The following CRACDL variants were observed in gnomAD, a reference collection of about 807,000 sequenced individuals.
CRACDL encodes CRACD-like protein.
A neutral mutation model predicts 70.6 loss-of-function variants in CRACDL; 26 were observed. That is an observed-to-expected ratio of 0.37 (90% CI 0.27 to 0.51). The LOEUF (loss-of-function observed/expected upper bound fraction) is 0.51, where lower values mean the gene tolerates loss of function less well. Among genes scored for constraint, CRACDL ranks in the 20% least tolerant of loss-of-function variants. The pLI is 0.94. For synonymous variants in CRACDL, 618 were observed against 615.2 expected, an observed-to-expected ratio of 1.00 and a Z score of -0.07; for missense variants, 1,283 against 1,376.9, an observed-to-expected ratio of 0.93 and a Z score of 1.08.
At chr2:98,911,546 AG>A (rs1238173225) in intron 1 of CRACDL, among the ~76,000 whole-genome samples, 3 of 152,208 alleles carry the variant, frequency 2.0e-5, no homozygotes, top group Admixed American at 1.3e-4. Flanking sequence ...CAAAGATCAA[AG>A]AGAAGGACCA....
chr2:98,914,488 C>T (rs757797156), intron 1 of CRACDL, among the ~76,000 whole-genome samples: 4 of 152,240 alleles, frequency 2.6e-5, no homozygotes, highest in African/African-American at 7.2e-5. Flanking sequence ...GTCCTGTCCC[C>T]GCTGAGGTGG....
intron 1 of CRACDL, among the ~76,000 whole-genome samples, chr2:98,854,079 C>A (rs1000141994): frequency 6.6e-6 from 1 of 151,718 alleles, no homozygotes; most frequent in Non-Finnish European, 1.5e-5. Flanking sequence ...GTCAGGAGTT[C>A]GAGACCAGTC....
chr2:98,805,564 T>TCCACCCTCCAGAGCCTCCC (rs1457464211), intron 7 of CRACDL, among the ~76,000 whole-genome samples: 2 of 152,138 alleles, frequency 1.3e-5, no homozygotes, highest in Admixed American at 1.3e-4. Context: ...TCCCTCCTCC[T>TCCACCCTCCAGAGCCTCCC]CCACCCTCCA....
At chr2:98,813,881 C>CT (rs1412241720) in intron 7 of CRACDL, among the ~76,000 whole-genome samples, 1 of 152,194 alleles carries the variant, frequency 6.6e-6, no homozygotes, top group African/African-American at 2.4e-5. Flanking sequence ...GATTTGATCA[C>CT]TTTAACAGAT....
At chr2:98,844,251 G>A (rs1706154432) in intron 2 of CRACDL, among the ~76,000 whole-genome samples, 1 of 152,108 alleles carries the variant, frequency 6.6e-6, no homozygotes, top group Non-Finnish European at 1.5e-5. Flanking sequence ...CCACCTCTCT[G>A]CCTTTTATTC....
intron 7 of CRACDL, among the ~76,000 whole-genome samples, chr2:98,801,343 G>A (rs563554579): frequency 3.3e-4 from 51 of 152,340 alleles, no homozygotes; most frequent in African/African-American, 1.2e-3. Flanking sequence ...AGATGCCTGA[G>A]ATTCCACCTG....
At chr2:98,853,676 TA>T (rs1178612651) in intron 1 of CRACDL, among the ~76,000 whole-genome samples, 2 of 152,086 alleles carry the variant, frequency 1.3e-5, no homozygotes, top group African/African-American at 2.4e-5. Flanking sequence ...ATATAACAAC[TA>T]AAAAAACTAT....
intron 5 of CRACDL, among the ~76,000 whole-genome samples, chr2:98,828,273 ACT>A (rs963677526): frequency 2.6e-5 from 4 of 152,122 alleles, no homozygotes; most frequent in Admixed American, 6.5e-5. Context: ...GCACAGGGAG[ACT>A]CTAGGAGGTG....
chr2:98,872,040 G>A (rs1293846756), intron 1 of CRACDL, among the ~76,000 whole-genome samples: 2 of 152,182 alleles, frequency 1.3e-5, no homozygotes, highest in East Asian at 1.9e-4. Context: ...GGAGCTGGGG[G>A]CATTATCCTA....
At chr2:98,832,537 C>T (rs751564865) in intron 4 of CRACDL, 25 bp from the exon 5 acceptor site, 1 of 1,536,974 alleles carries the variant, frequency 6.5e-7, no homozygotes, top group Non-Finnish European at 8.8e-7. Flanking sequence ...AGAACATGTG[C>T]TCTTATTTTC....
chr2:98,879,680 C>A lies in CRACDL; in HGVS notation c.-10-32870G>T, dbSNP rs571923701. Reference sequence around the variant, plus strand: ...TCTCCTGCCTCAGCCTCCCGAGTAGCTGTCCCAGGTGCACACTGCCGTGCC... The same window carrying A: ...TCTCCTGCCTCAGCCTCCCGAGTAGATGTCCCAGGTGCACACTGCCGTGCC... On this transcript the variant is annotated intron_variant, in intron 1 of 9. Transcript: ENST00000397899. 2.4e-4 allele frequency among the ~76,000 whole-genome samples: 36 copies of A among 152,316 alleles called. No individual in the cohort carries two copies. The South Asian group carries it at 7.5e-3, about 32-fold the overall frequency.
intron 1 of CRACDL, among the ~76,000 whole-genome samples, chr2:98,877,287 T>C (rs1180223763): frequency 6.6e-6 from 1 of 152,138 alleles, no homozygotes; most frequent in African/African-American, 2.4e-5. Flanking sequence ...ATCCAAGTGG[T>C]TTGGGCTCCG....
chr2:98,822,547 C>G lies in CRACDL; in HGVS notation c.1726G>C (p.Val576Leu). The G allele has an allele frequency of 6.8e-7, 1 of 1,468,746 alleles. No individual in the cohort carries two copies. Among genetic ancestry groups the G allele is most frequent in the South Asian group, 1.3e-5 (1 of 77,456 alleles). The allele number at this position is 1,468,746 out of a possible 1,614,324, so 91.0% of individuals were successfully genotyped here. The part of the protein sequence containing the change: ...AELRGAKKFS[V>L]SSCRARPRPG... ...CGAGGCCGCGCTCGGCACGAGGACA[C>G]CGAGAACTTCTTCGCGCCTCGCAGC... is the stretch of plus-strand genomic sequence containing the variant. Residue 576 changes from valine to leucine, a missense_variant, in exon 7 of 10, where the codon GTG (valine) becomes CTG (leucine). Val to Leu is a conservative substitution (Grantham distance 32, BLOSUM62 1). Transcript: ENST00000397899. The surrounding 1 kb of genome is among the most constrained non-coding windows in gnomAD (Gnocchi z 4.9).
At chr2:98,801,196 CCT>C (rs1704060960) in intron 7 of CRACDL, among the ~76,000 whole-genome samples, 2 of 152,182 alleles carry the variant, frequency 1.3e-5, no homozygotes, top group Non-Finnish European at 2.9e-5. Flanking sequence ...GCAAGAGGGC[CCT>C]TGTAATCTCT....
At chr2:98,799,137 G>A (rs1703964226) in intron 7 of CRACDL, among the ~76,000 whole-genome samples, 1 of 152,152 alleles carries the variant, frequency 6.6e-6, no homozygotes, top group African/African-American at 2.4e-5. Flanking sequence ...TACACAGTGT[G>A]CTTGAGTCAG....
chr2:98,916,044 C>G (rs1292673642), intron 1 of CRACDL, among the ~76,000 whole-genome samples: 1 of 152,222 alleles, frequency 6.6e-6, no homozygotes, highest in East Asian at 1.9e-4. Context: ...GGCACAGATC[C>G]AAACTCCCAG....
At chr2:98,913,497 G>A (rs1358519069) in intron 1 of CRACDL, among the ~76,000 whole-genome samples, 1 of 152,158 alleles carries the variant, frequency 6.6e-6, no homozygotes, top group Non-Finnish European at 1.5e-5. Context: ...GGAGTGTGGG[G>A]AAGGGCTCAG....
intron 1 of CRACDL, among the ~76,000 whole-genome samples, chr2:98,866,964 G>A (rs917801357): frequency 6.6e-6 from 1 of 152,134 alleles, no homozygotes; most frequent in African/African-American, 2.4e-5. Flanking sequence ...AGTCTGCTGG[G>A]CTTTGCAGAC....
At chr2:98,802,821 G>A (rs1304041739) in intron 7 of CRACDL, among the ~76,000 whole-genome samples, 1 of 152,210 alleles carries the variant, frequency 6.6e-6, no homozygotes, top group Non-Finnish European at 1.5e-5. Flanking sequence ...GTCGTACAAT[G>A]TAAATTCCCA....
Sources: allele counts gnomAD v4.1 joint callset (sites outside exome capture counted in the v4.1 genomes callset), GRCh38; gene constraint gnomAD v4.1.1; non-coding constraint Gnocchi (gnomAD v3.1); transcripts MANE v1.5; gene names NCBI Gene and HGNC (gene_info 2026-07-23, HGNC 2026-07-21).